Variants in SPIDR observed in about 807,000 individuals in gnomAD.
The protein encoded by SPIDR is DNA repair-scaffolding protein.
Under a neutral mutation model 104.6 loss-of-function variants are expected in SPIDR, and 93 were observed. The ratio of observed to expected loss-of-function variants is 0.89; its 90% CI spans 0.75 to 1.06. The LOEUF is 1.06. SPIDR is among the 50% of genes least tolerant of loss of function. The pLI, the probability that SPIDR is intolerant of heterozygous loss-of-function variation, is 0.00. For synonymous variants in SPIDR, 431 were observed against 416.9 expected (o/e 1.03, Z -0.41); for missense variants, 1,154 against 1,111.2 (o/e 1.04, Z -0.55).
In SPIDR at chr8:47,733,051, T is replaced by C. The variant is rs150235353; in HGVS notation, c.2605-2256T>C. Among the ~76,000 whole-genome samples, 545 of 152,342 alleles carry C rather than the reference T, an allele frequency of 3.6e-3. 2 individuals are homozygous for C. Among genetic ancestry groups the C allele is most frequent in the African/African-American group, 0.013 (520 of 41,576 alleles). Reference sequence around the variant, plus strand: ...TGAATAGTGCTTGGGAGTTTGCTAATATGGTTGTTTAAACCTCTCCATGTT... The same window carrying C: ...TGAATAGTGCTTGGGAGTTTGCTAACATGGTTGTTTAAACCTCTCCATGTT... On this transcript the variant is annotated intron_variant, in intron 19 of 19. Coordinates refer to ENST00000297423, the MANE Select transcript of SPIDR (RefSeq NM_001080394.4).
At chr8:47,670,567 A>AT (rs911895407) in intron 10 of SPIDR, among the ~76,000 whole-genome samples, 9 of 151,586 alleles carry the variant, frequency 5.9e-5, no homozygotes, top group Admixed American at 2.6e-4. Flanking sequence ...TTCTCATTCC[A>AT]TTTTTTTTCC....
chr8:47,670,101 G>A (rs764060670), intron 10 of SPIDR, among the ~76,000 whole-genome samples: 1 of 152,096 alleles, frequency 6.6e-6, no homozygotes, highest in Non-Finnish European at 1.5e-5. Context: ...GGAGGGGTAG[G>A]GGCCACCATG....
chr8:47,681,946 A>T (rs1367566453), intron 11 of SPIDR, among the ~76,000 whole-genome samples: 1 of 152,202 alleles, frequency 6.6e-6, no homozygotes, highest in Non-Finnish European at 1.5e-5. Flanking sequence ...ATTAGCAGCT[A>T]AACAGTCATG....
chr8:47,549,231 T>C (rs1262026380), intron 8 of SPIDR, among the ~76,000 whole-genome samples: 3 of 152,206 alleles, frequency 2.0e-5, no homozygotes, highest in South Asian at 2.1e-4. Flanking sequence ...AATAAACATA[T>C]GTGTGCATGT....
chr8:47,449,357 A>G (rs2071275217), intron 8 of SPIDR, among the ~76,000 whole-genome samples: 2 of 152,290 alleles, frequency 1.3e-5, no homozygotes, highest in East Asian at 3.9e-4. Flanking sequence ...TAAAAACACA[A>G]GAGAGGTTAT....
intron 8 of SPIDR, among the ~76,000 whole-genome samples, chr8:47,539,049 C>T (rs1234429520): frequency 1.3e-5 from 2 of 151,364 alleles, no homozygotes; most frequent in African/African-American, 4.9e-5. Flanking sequence ...TTAGTAGAGA[C>T]GTGGTTTCAC....
intron 8 of SPIDR, among the ~76,000 whole-genome samples, chr8:47,478,273 C>T (rs782073008): frequency 6.6e-6 from 1 of 152,078 alleles, no homozygotes; most frequent in Non-Finnish European, 1.5e-5. Flanking sequence ...GAGCAACCAG[C>T]GGGGTGGTGA....
At chr8:47,647,652 GA>G (rs1473438292) in intron 10 of SPIDR, among the ~76,000 whole-genome samples, 251 of 122,358 alleles carry the variant, frequency 2.1e-3, no homozygotes, top group African/African-American at 6.4e-3. Context: ...GAGAGAGAGA[GA>G]GGGAGAGAGA....
chr8:47,603,792 G>A (rs1431107801), intron 10 of SPIDR, among the ~76,000 whole-genome samples: 1 of 152,156 alleles, frequency 6.6e-6, no homozygotes, highest in Non-Finnish European at 1.5e-5. Flanking sequence ...TTTGCAAGAG[G>A]ACAGAACGTG....
At chr8:47,339,476 C>T (rs1250673468) in intron 5 of SPIDR, among the ~76,000 whole-genome samples, 4 of 151,676 alleles carry the variant, frequency 2.6e-5, no homozygotes, top group East Asian at 1.9e-4. Flanking sequence ...ATGTTTTTTT[C>T]GCTTACCTGG....
intron 11 of SPIDR, among the ~76,000 whole-genome samples, chr8:47,678,711 C>T (rs1031795512): frequency 6.6e-6 from 1 of 152,172 alleles, no homozygotes; most frequent in Admixed American, 6.5e-5. Context: ...ACAGCCATTT[C>T]ATCCCCTGGG....
At chr8:47,703,242 T>G (rs1164151894) in intron 14 of SPIDR, among the ~76,000 whole-genome samples, 1 of 152,208 alleles carries the variant, frequency 6.6e-6, no homozygotes, top group African/African-American at 2.4e-5. Flanking sequence ...TCCAGAGTTA[T>G]TTTCTGTTGT....
chr8:47,436,051 T>C (rs1447830831), intron 7 of SPIDR, among the ~76,000 whole-genome samples: 1 of 152,218 alleles, frequency 6.6e-6, no homozygotes, highest in Non-Finnish European at 1.5e-5. Context: ...AGTATGAGAA[T>C]GGCCTTGAAA....
intron 5 of SPIDR, among the ~76,000 whole-genome samples, chr8:47,340,125 A>G (rs189716922): frequency 5.3e-4 from 80 of 152,072 alleles, no homozygotes; most frequent in African/African-American, 1.8e-3. Context: ...ATGATTTTAT[A>G]TTATGCCTTC....
At chr8:47,732,017 A>G in intron 19 of SPIDR, 1 of 639,396 alleles carries the variant, frequency 1.6e-6, no homozygotes, top group Non-Finnish European at 2.8e-6. Context: ...TGCTACTCAG[A>G]AGGGTGGGAC....
intron 5 of SPIDR, among the ~76,000 whole-genome samples, chr8:47,342,591 C>G (rs2051002580): frequency 6.6e-6 from 1 of 152,094 alleles, no homozygotes; most frequent in African/African-American, 2.4e-5. Flanking sequence ...CCTGCCTCGT[C>G]CTCCCGAAGT....
intron 10 of SPIDR, among the ~76,000 whole-genome samples, chr8:47,663,413 G>A (rs760375277): frequency 6.6e-6 from 1 of 152,248 alleles, no homozygotes; most frequent in Non-Finnish European, 1.5e-5. Context: ...CTCACAGAGG[G>A]CCTATCCAGG....
intron 8 of SPIDR, chr8:47,592,691 T>A: frequency 1.5e-6 from 1 of 668,834 alleles, no homozygotes; most frequent in South Asian, 2.0e-5. Context: ...CCCTCCCTAT[T>A]TATAATATGA....
chr8:47,463,282 A>T (rs782685274), intron 8 of SPIDR, among the ~76,000 whole-genome samples: 1 of 151,590 alleles, frequency 6.6e-6, no homozygotes, highest in Non-Finnish European at 1.5e-5. Flanking sequence ...AATGCCATGA[A>T]CCTGGGAGGT....
Sources: allele counts gnomAD v4.1 joint callset (sites outside exome capture counted in the v4.1 genomes callset), GRCh38; gene constraint gnomAD v4.1.1; transcripts MANE v1.5; gene names NCBI Gene and HGNC (gene_info 2026-07-23, HGNC 2026-07-21).